CUL5: variants seen among roughly 807,000 people sequenced by gnomAD.
CUL5 encodes the protein cullin 5.
CUL5 carries 26 observed loss-of-function variants against 108.8 expected under a neutral mutation model. The ratio of observed to expected loss-of-function variants is 0.24; its 90% CI spans 0.18 to 0.33. The LOEUF (loss-of-function observed/expected upper bound fraction) is 0.33, where lower values mean the gene tolerates loss of function less well. CUL5 is among the 10% of genes least tolerant of loss of function. CUL5 has a pLI of 1.00. For synonymous variants in CUL5, 334 were observed against 298.0 expected (o/e 1.12, Z -1.25); for missense variants, 524 against 909.2 (o/e 0.58, Z 5.45).
At chr11:108,026,610 G>A (rs1221042066) in intron 1 of CUL5, among the ~76,000 whole-genome samples, 1 of 152,074 alleles carries the variant, frequency 6.6e-6, no homozygotes, top group Admixed American at 6.6e-5. Context: ...AAATTCACTA[G>A]CAGTTTCTCT....
intron 3 of CUL5, 155 bp downstream of exon 3, chr11:108,046,524 C>A: frequency 1.8e-6 from 1 of 545,220 alleles, no homozygotes; most frequent in Admixed American, 3.6e-5. Context: ...AAATGATCGT[C>A]ATTAGTTGGA....
At chr11:108,103,451 T>TAATAAATA (rs1181031151) in intron 18 of CUL5, among the ~76,000 whole-genome samples, 1 of 151,838 alleles carries the variant, frequency 6.6e-6, no homozygotes, top group African/African-American at 2.4e-5. Flanking sequence ...ATTGAGTCAA[T>TAATAAATA]ATAAACTGAA....
intron 1 of CUL5, among the ~76,000 whole-genome samples, chr11:108,028,583 A>T (rs1003195466): frequency 2.6e-5 from 4 of 152,174 alleles, no homozygotes; most frequent in Admixed American, 6.5e-5. Context: ...TCACACCTGT[A>T]ATCACAGCAC....
chr11:108,067,285 G>T (rs1028174949), intron 7 of CUL5, among the ~76,000 whole-genome samples: 1 of 152,102 alleles, frequency 6.6e-6, no homozygotes, highest in African/African-American at 2.4e-5. Context: ...AGCTAGAAAT[G>T]GATTCAACAT....
intron 7 of CUL5, among the ~76,000 whole-genome samples, chr11:108,068,788 A>T (rs920307853): frequency 6.6e-6 from 1 of 152,064 alleles, no homozygotes; most frequent in East Asian, 1.9e-4. Context: ...CCTCATTTAG[A>T]TTTTCCTGAT....
chr11:108,088,954 A>G (rs963226874), intron 12 of CUL5, among the ~76,000 whole-genome samples: 12 of 152,304 alleles, frequency 7.9e-5, no homozygotes, highest in Non-Finnish European at 1.8e-4. Context: ...TTGGAATGAT[A>G]GTTGACAGAT....
chr11:108,096,813 G>A (rs1431250430), intron 16 of CUL5, among the ~76,000 whole-genome samples: 2 of 151,770 alleles, frequency 1.3e-5, no homozygotes, highest in South Asian at 2.1e-4. Flanking sequence ...TAATTTGCCC[G>A]CCTCGGCCTC....
chr11:108,072,603 G>A (rs1282254357), intron 9 of CUL5, 141 bp downstream of exon 9: 2 of 564,694 alleles, frequency 3.5e-6, no homozygotes, highest in Non-Finnish European at 6.0e-6. Context: ...TAAAGTTATA[G>A]TTCAATAGGA....
At chr11:108,074,795 A>C (rs1041568262) in intron 10 of CUL5, among the ~76,000 whole-genome samples, 2 of 152,156 alleles carry the variant, frequency 1.3e-5, no homozygotes, top group Non-Finnish European at 2.9e-5. Flanking sequence ...AACAAGAGCG[A>C]AACTCTGTCT....
chr11:108,016,827 G>A (rs1463556633), intron 1 of CUL5, among the ~76,000 whole-genome samples: 1 of 152,004 alleles, frequency 6.6e-6, no homozygotes, highest in Non-Finnish European at 1.5e-5. Flanking sequence ...GCAGGATACA[G>A]CTCAGGTTAA....
chr11:108,091,460 G>A (rs965238730), intron 13 of CUL5, among the ~76,000 whole-genome samples: 7 of 151,956 alleles, frequency 4.6e-5, no homozygotes, highest in African/African-American at 1.5e-4. Context: ...GGAGGCTGAG[G>A]AGGGCAGATG....
rs550321126 is a variant in CUL5, at chr11:108,073,508, C to T, written c.1113+11C>T. 16 of 1,220,634 alleles carry T rather than the reference C, an allele frequency of 1.3e-5. No individual in the cohort carries two copies. In the East Asian group the frequency reaches 3.8e-4, roughly 29 times the overall value. The allele number at this position is 1,220,634 out of a possible 1,614,324, so 75.6% of individuals were successfully genotyped here. On this transcript the variant is annotated intron_variant, in intron 10 of 18. Transcript: ENST00000393094. ...ACTGCAAGAGATAAGGTATATATTC[C>T]TATATATATAAAAAACACTTTTAAA...
intron 7 of CUL5, among the ~76,000 whole-genome samples, chr11:108,064,978 G>C (rs1471670572): frequency 6.6e-6 from 1 of 151,634 alleles, no homozygotes; most frequent in East Asian, 1.9e-4. Context: ...CAGGTGCCAG[G>C]CTTTTCTTTG....
chr11:108,055,755 C>T (rs1863360720), intron 7 of CUL5, among the ~76,000 whole-genome samples: 1 of 151,954 alleles, frequency 6.6e-6, no homozygotes, highest in African/African-American at 2.4e-5. Flanking sequence ...CTCAGCCTCC[C>T]AAGTAGCTGG....
At chr11:108,090,963 T>TC (rs1864339217) in intron 13 of CUL5, among the ~76,000 whole-genome samples, 1 of 152,222 alleles carries the variant, frequency 6.6e-6, no homozygotes, top group African/African-American at 2.4e-5. Context: ...TACTGTCACT[T>TC]ATAAGTATAT....
intron 7 of CUL5, among the ~76,000 whole-genome samples, chr11:108,068,687 G>C (rs1386332684): frequency 6.6e-6 from 1 of 151,978 alleles, no homozygotes. Flanking sequence ...CTTAACTTTA[G>C]TCCTCACAAC....
At chr11:108,075,410 A>G (rs1863918999) in intron 10 of CUL5, among the ~76,000 whole-genome samples, 1 of 152,200 alleles carries the variant, frequency 6.6e-6, no homozygotes, top group Admixed American at 6.5e-5. Context: ...CAGTTTTAGG[A>G]AAAAACAGCT....
chr11:108,042,730 G>A (rs1470204101), intron 2 of CUL5, among the ~76,000 whole-genome samples: 1 of 151,732 alleles, frequency 6.6e-6, no homozygotes, highest in African/African-American at 2.4e-5. Flanking sequence ...TAAAATAGTT[G>A]TAAACATATT....
Position 108,075,282 on chromosome 11 carries a change from T to G in CUL5, c.1113+1785T>G, listed in dbSNP as rs139675329. 2.1e-3 allele frequency among the ~76,000 whole-genome samples: 323 copies of G among 152,254 alleles called. 2 individuals carry two copies. Among genetic ancestry groups the G allele is most frequent in the African/African-American group, 7.2e-3 (301 of 41,538 alleles). The stretch of plus-strand genomic sequence containing the variant: ...GTAAGTCAGATCTACAGTGAGCTAC[T>G]TGAACTTAATTCTGCAAGGAAACTT... On this transcript the variant is annotated intron_variant, in intron 10 of 18. Coordinates refer to ENST00000393094, the MANE Select transcript of CUL5 (RefSeq NM_003478.6).
Sources: allele counts gnomAD v4.1 joint callset (sites outside exome capture counted in the v4.1 genomes callset), GRCh38; gene constraint gnomAD v4.1.1; transcripts MANE v1.5; gene names NCBI Gene and HGNC (gene_info 2026-07-23, HGNC 2026-07-21).